Variants in NRXN3 observed in about 807,000 individuals in gnomAD.
The protein encoded by NRXN3 is neurexin III.
Under a neutral mutation model 137.6 loss-of-function variants are expected in NRXN3, and 32 were observed. That is an observed-to-expected ratio of 0.23 (90% confidence interval 0.18 to 0.31). NRXN3 has a LOEUF of 0.31. Ranked by LOEUF, NRXN3 falls within the 10% of genes least tolerant of loss-of-function variation. The pLI is 1.00. For missense variants in NRXN3, 1,574 were observed against 2,062.5 expected, an observed-to-expected ratio of 0.76 and a Z score of 4.59; for synonymous variants, 798 against 784.5, an observed-to-expected ratio of 1.02 and a Z score of -0.29.
chr14:78,620,674 T>C (rs1371504409), intron 4 of NRXN3, among the ~76,000 whole-genome samples: 1 of 152,212 alleles, frequency 6.6e-6, no homozygotes, highest in Non-Finnish European at 1.5e-5. Flanking sequence ...AAAATAATGA[T>C]GCTGCTGCTG....
At chr14:79,645,614 C>CA (rs558284799) in intron 16 of NRXN3, among the ~76,000 whole-genome samples, 1,330 of 89,518 alleles carry the variant, frequency 0.015, 196 homozygotes, top group Admixed American at 0.027. Flanking sequence ...GACTCTGTCT[C>CA]AAAAAAAAAA....
chr14:79,465,397 C>G lies in NRXN3; in HGVS notation c.3263-1824C>G, dbSNP rs751322382. On this transcript the variant is annotated intron_variant, in intron 15 of 20. Coordinates refer to ENST00000335750, the MANE Select transcript of NRXN3 (RefSeq NM_001330195.2). The stretch of plus-strand genomic sequence containing the variant: ...TTTCGAGACACCATCCCCTAAGGAT[C>G]GAGAAATTCATAAAAGGAAAATAAT... Among the ~76,000 whole-genome samples the G allele has an allele frequency of 2.0e-5, 3 of 151,990 alleles. No homozygotes were observed. In the East Asian group the frequency reaches 5.8e-4, roughly 29 times the overall value.
At chr14:79,342,957 G>A (rs147747491) in intron 15 of NRXN3, among the ~76,000 whole-genome samples, 1 of 152,190 alleles carries the variant, frequency 6.6e-6, no homozygotes, top group Non-Finnish European at 1.5e-5. Flanking sequence ...ATAATTTGGC[G>A]GGTAGGGGCT....
intron 15 of NRXN3, chr14:79,280,913 A>C: frequency 5.1e-6 from 1 of 194,552 alleles, no homozygotes; most frequent in Admixed American, 5.4e-5. Flanking sequence ...CCTTGCTTTC[A>C]CCCTTCTTTG....
intron 15 of NRXN3, among the ~76,000 whole-genome samples, chr14:79,080,174 T>C (rs571021525): frequency 6.6e-6 from 1 of 152,266 alleles, no homozygotes; most frequent in South Asian, 2.1e-4. Context: ...GAGAGGACTG[T>C]GGATTTCTTT....
In NRXN3 at chr14:78,892,774, CTGTGTGTGTGTG is replaced by C. The variant is rs58718552; in HGVS notation, c.2276-64441_2276-64430del. On this transcript the variant is annotated intron_variant, in intron 10 of 20. Transcript: ENST00000335750. ...AACAACTCGGTAATGCCCCCATCTT[CTGTGTGTGTGTG>C]TGTGTGTGTGTGTGTGTGTGTGTGT... is the stretch of plus-strand genomic sequence containing the variant. 8.5e-3 allele frequency among the ~76,000 whole-genome samples: 1,198 copies of C among 140,134 alleles called. 10 individuals carry two copies. Among genetic ancestry groups the C allele is most frequent in the African/African-American group, 0.03 (1,145 of 38,514 alleles). The allele number at this position is 140,134 out of a possible 152,430, so 91.9% of individuals were successfully genotyped here. A position where few individuals can be genotyped will look rare whatever the true frequency, so the allele number is the denominator to read the frequency against.
At chr14:79,350,626 G>GT (rs1024803743) in intron 15 of NRXN3, among the ~76,000 whole-genome samples, 3 of 151,790 alleles carry the variant, frequency 2.0e-5, no homozygotes, top group African/African-American at 4.8e-5. Flanking sequence ...GTTTTCATAG[G>GT]TTTTTTTTAG....
chr14:79,116,242 G>T (rs574902314), intron 15 of NRXN3, among the ~76,000 whole-genome samples: 1 of 152,248 alleles, frequency 6.6e-6, no homozygotes, highest in East Asian at 1.9e-4. Flanking sequence ...AGGAATGGTG[G>T]GGGTTGTCCT....
chr14:79,491,263 G>T (rs141868389), intron 16 of NRXN3, among the ~76,000 whole-genome samples: 1 of 152,238 alleles, frequency 6.6e-6, no homozygotes, highest in African/African-American at 2.4e-5. Context: ...CCAAGCCCAG[G>T]TTCTTTCTCC....
intron 19 of NRXN3, among the ~76,000 whole-genome samples, chr14:79,710,178 GTTCTT>G (rs2098797976): frequency 6.6e-6 from 1 of 151,932 alleles, no homozygotes; most frequent in African/African-American, 2.4e-5. Flanking sequence ...TTTTGCATGT[GTTCTT>G]TTGTCTTTAT....
intron 4 of NRXN3, among the ~76,000 whole-genome samples, chr14:78,402,591 G>C (rs2092173368): frequency 6.6e-6 from 1 of 152,158 alleles, no homozygotes; most frequent in South Asian, 2.1e-4. Flanking sequence ...CAAATATGAA[G>C]ATGTAAACAG....
chr14:78,202,188 A>G (rs1286106422), intron 1 of NRXN3, among the ~76,000 whole-genome samples: 1 of 152,122 alleles, frequency 6.6e-6, no homozygotes, highest in Non-Finnish European at 1.5e-5. Flanking sequence ...GGAGGGGGAA[A>G]CGAAAGGCTG....
Position 78,932,914 on chromosome 14 carries a change from G to C in NRXN3, c.2276-24328G>C, listed in dbSNP as rs186512679. Reference sequence around the variant, plus strand: ...TGTCCTAGTCAGAGTTCTTGGAGTTGTTGAATTATAAAAATATGACATCCC... The same window carrying C: ...TGTCCTAGTCAGAGTTCTTGGAGTTCTTGAATTATAAAAATATGACATCCC... On this transcript the variant is annotated intron_variant, in intron 10 of 20. Transcript: ENST00000335750. Among the ~76,000 whole-genome samples, 152 of 152,266 alleles carry C rather than the reference G, an allele frequency of 1.0e-3. 1 individual carries two copies. The highest frequency in any genetic ancestry group is 1.7e-3 in the Non-Finnish European group (115 of 68,016).
chr14:78,912,095 G>A (rs529290835), intron 10 of NRXN3, among the ~76,000 whole-genome samples: 50 of 150,414 alleles, frequency 3.3e-4, no homozygotes, highest in African/African-American at 9.0e-4. Context: ...AACAGTCCCC[G>A]GTGTGTGATG....
At chr14:79,759,346 A>G (rs2099030548) in intron 19 of NRXN3, among the ~76,000 whole-genome samples, 1 of 151,706 alleles carries the variant, frequency 6.6e-6, no homozygotes, top group East Asian at 1.9e-4. Flanking sequence ...TTTACTATTG[A>G]CAGTATTCTT....
At chr14:78,365,314 G>A (rs2085757150) in intron 4 of NRXN3, among the ~76,000 whole-genome samples, 1 of 152,014 alleles carries the variant, frequency 6.6e-6, no homozygotes, top group Non-Finnish European at 1.5e-5. Context: ...AAGATCTACT[G>A]GTTTAACAAA....
chr14:78,808,803 TC>T (rs2098893064), intron 9 of NRXN3, among the ~76,000 whole-genome samples: 1 of 152,106 alleles, frequency 6.6e-6, no homozygotes, highest in Non-Finnish European at 1.5e-5. Flanking sequence ...AGCTTCATTC[TC>T]CCCTTTATTC....
chr14:78,762,205 A>G (rs1227464534), intron 8 of NRXN3, among the ~76,000 whole-genome samples: 1 of 152,050 alleles, frequency 6.6e-6, no homozygotes, highest in Admixed American at 6.5e-5. Context: ...TTAGGAAATC[A>G]CGATGTATCG....
intron 15 of NRXN3, among the ~76,000 whole-genome samples, chr14:79,210,916 T>C (rs2067560871): frequency 6.6e-6 from 1 of 152,126 alleles, no homozygotes; most frequent in Non-Finnish European, 1.5e-5. Flanking sequence ...AAACGATCCT[T>C]TTTCTCTTTT....
Sources: gnomAD v4.1 joint callset for allele counts (sites outside exome capture counted in the v4.1 genomes callset) on GRCh38, gnomAD v4.1.1 for gene constraint, MANE v1.5 for transcripts, NCBI Gene and HGNC (gene_info 2026-07-23, HGNC 2026-07-21) for gene names.